PCLO: variants seen among roughly 807,000 people sequenced by gnomAD.
PCLO encodes the protein piccolo presynaptic cytomatrix protein.
PCLO carries 82 observed loss-of-function variants against 427.5 expected under a neutral mutation model. The ratio of observed to expected loss-of-function variants is 0.19; its 90% CI spans 0.16 to 0.23. The LOEUF (loss-of-function observed/expected upper bound fraction) is 0.23. Ranked by LOEUF, PCLO falls within the 10% of genes least tolerant of loss-of-function variation. PCLO has a pLI of 1.00. For missense variants in PCLO, 6,239 were observed against 6,115.9 expected (o/e 1.02, Z -0.67); for synonymous variants, 2,357 against 2,155.4 (o/e 1.09, Z -2.59).
At chr7:82,800,270 A>G (rs2074401) in intron 22 of PCLO, among the ~76,000 whole-genome samples, 56,462 of 152,096 alleles carry the variant, frequency 0.37, 12,931 homozygotes, top group East Asian at 0.69. Flanking sequence ...GTTTCTGAAG[A>G]TAGAGAAATT....
At chr7:83,065,314 T>A (rs1406073467) in intron 3 of PCLO, among the ~76,000 whole-genome samples, 1 of 151,966 alleles carries the variant, frequency 6.6e-6, no homozygotes, top group African/African-American at 2.4e-5. Flanking sequence ...CCACTTTGTA[T>A]GGCTTTTTTC....
At chr7:82,823,129 C>A (rs1211224878) in intron 19 of PCLO, among the ~76,000 whole-genome samples, 1 of 151,966 alleles carries the variant, frequency 6.6e-6, no homozygotes, top group Non-Finnish European at 1.5e-5. Flanking sequence ...GTATGGATCA[C>A]GTATTTCCTA....
In PCLO at chr7:82,763,181, T is replaced by G. The variant is rs539182389; in HGVS notation, c.15008-1688A>C. On this transcript the variant is annotated intron_variant, in intron 22 of 24. Transcript: ENST00000333891. ...CATCGAGGATACCCTTAAGTGAAAC[T>G]GGCATTTTTTTCCCTGTAAGAGCAT... Among the ~76,000 whole-genome samples, 17 of 152,246 alleles carry G rather than the reference T, an allele frequency of 1.1e-4. 1 individual carries two copies. The highest frequency in any genetic ancestry group is 3.9e-4 in the African/African-American group (16 of 41,554).
At chr7:82,815,180 T>C (rs1456347816) in intron 20 of PCLO, among the ~76,000 whole-genome samples, 3 of 152,070 alleles carry the variant, frequency 2.0e-5, no homozygotes, top group South Asian at 2.1e-4. Flanking sequence ...AAATCTTGTC[T>C]ATTTTTGGTT....
intron 18 of PCLO, among the ~76,000 whole-genome samples, chr7:82,824,627 T>C (rs915272966): frequency 2.0e-5 from 3 of 149,476 alleles, no homozygotes; most frequent in African/African-American, 7.4e-5. Flanking sequence ...AATGTTTGCT[T>C]GAACTGAACT....
chr7:82,983,912 G>T (rs1449580242), intron 3 of PCLO, among the ~76,000 whole-genome samples: 2 of 151,902 alleles, frequency 1.3e-5, no homozygotes, highest in African/African-American at 4.8e-5. Flanking sequence ...CTCAAAACAT[G>T]AATATATTCT....
At chr7:83,093,219 G>A (rs1562959966) in intron 3 of PCLO, among the ~76,000 whole-genome samples, 2 of 151,154 alleles carry the variant, frequency 1.3e-5, no homozygotes, top group Non-Finnish European at 2.9e-5. Context: ...AGAGCAAAAT[G>A]TTTCCATATT....
chr7:82,853,929 C>A (rs974617984), intron 10 of PCLO, among the ~76,000 whole-genome samples: 5 of 152,190 alleles, frequency 3.3e-5, no homozygotes, highest in African/African-American at 9.6e-5. Flanking sequence ...TGCTTGTTTA[C>A]AACTTGTAAA....
intron 15 of PCLO, among the ~76,000 whole-genome samples, chr7:82,837,055 TAA>T (rs1015200809): frequency 1.3e-5 from 2 of 152,106 alleles, no homozygotes; most frequent in African/African-American, 4.8e-5. Context: ...AGGAAAATAT[TAA>T]GAGGCAACCA....
rs1402801778 is a variant in PCLO, at chr7:83,162,390, T to C, written c.203A>G (p.Lys68Arg). 1 of 1,599,704 alleles carries C rather than the reference T, an allele frequency of 6.3e-7. No homozygotes were observed. The highest frequency in any genetic ancestry group is 8.5e-7 in the Non-Finnish European group (1 of 1,173,080). The change falls in exon 1 of 25, where the codon AAG becomes AGG. Residue 68 changes from lysine to arginine, a missense_variant. By Grantham distance (26) the Lys-to-Arg change is conservative. Around this residue, in one of 5 missense-constraint regions of PCLO, gnomAD observed 4,677 missense variants for 4,468.4 expected, o/e 1.05. Transcript: ENST00000333891. ...CGCAGCGGCCGGGGGGACGCTTCCC[T>C]TGGGCAGCCCCTGCGCCCTTGACAT... ...AVMSRAQGLP[K>R]GSVPPAAAES...
intron 3 of PCLO, among the ~76,000 whole-genome samples, chr7:83,071,691 A>G (rs1041909700): frequency 2.6e-5 from 4 of 151,840 alleles, no homozygotes; most frequent in African/African-American, 9.7e-5. Context: ...TACTAATGAA[A>G]AGAAGCTTTC....
chr7:82,947,464 T>C (rs1795230236), intron 6 of PCLO, among the ~76,000 whole-genome samples: 1 of 152,192 alleles, frequency 6.6e-6, no homozygotes, highest in Non-Finnish European at 1.5e-5. Context: ...AAGAAATTAA[T>C]TTATTTACTT....
intron 3 of PCLO, among the ~76,000 whole-genome samples, chr7:83,069,344 A>G (rs183352031): frequency 7.2e-5 from 11 of 152,256 alleles, no homozygotes; most frequent in Admixed American, 4.6e-4. Context: ...AAATCCACTC[A>G]TAAGTGAACC....
chr7:83,093,084 G>C (rs1015731746), intron 3 of PCLO, among the ~76,000 whole-genome samples: 2 of 151,560 alleles, frequency 1.3e-5, no homozygotes, highest in African/African-American at 4.9e-5. Context: ...TCACTCCCTA[G>C]AAAACGCTAA....
intron 1 of PCLO, among the ~76,000 whole-genome samples, chr7:83,161,950 A>C (rs942013909): frequency 6.6e-6 from 1 of 152,228 alleles, no homozygotes; most frequent in African/African-American, 2.4e-5. Flanking sequence ...CGCAATGGCC[A>C]AGAGGTTTAA....
At position 82,965,963 on chromosome 7, in the gene PCLO, C is replaced by T. The variant is rs748369807; in HGVS notation, c.3825G>A (p.Lys1275=). The T allele has an allele frequency of 1.9e-6, 3 of 1,613,814 alleles. No individual in the cohort carries two copies. Among genetic ancestry groups the T allele is most frequent in the South Asian group, 2.2e-5 (2 of 91,032 alleles). The part of the protein sequence containing the change: ...LKSQVQIAEE[K]LEGRVAPKTV... ...TCTTTGGAGCCACTCTGCCTTCAAG[C>T]TTTTCTTCAGCAATTTGTACTTGAG... Residue 1275 remains lysine (K), a synonymous_variant, in exon 4 of 25, where the codon AAG becomes AAA. Coordinates refer to ENST00000333891, the MANE Select transcript of PCLO (RefSeq NM_033026.6).
At chr7:83,099,226 G>T (rs1371348485) in intron 3 of PCLO, among the ~76,000 whole-genome samples, 1 of 147,946 alleles carries the variant, frequency 6.8e-6, no homozygotes, top group Non-Finnish European at 1.5e-5. Context: ...GTGGGAGGGA[G>T]AGTGGAGGCA....
At chr7:82,914,629 C>A in intron 7 of PCLO, 57 bp downstream of exon 7, 1 of 1,541,164 alleles carries the variant, frequency 6.5e-7, no homozygotes, top group Non-Finnish European at 8.9e-7. Flanking sequence ...ATTAAACATG[C>A]AGAAAAATAA....
intron 13 of PCLO, among the ~76,000 whole-genome samples, chr7:82,844,855 T>C (rs2115802660): frequency 6.6e-6 from 1 of 152,288 alleles, no homozygotes; most frequent in African/African-American, 2.4e-5. Flanking sequence ...TTTTCCTTGT[T>C]TGTTATTGTC....
Sources: allele counts gnomAD v4.1 joint callset (sites outside exome capture counted in the v4.1 genomes callset), GRCh38; gene constraint gnomAD v4.1.1; regional missense constraint gnomAD v4.1.1; transcripts MANE v1.5; gene names NCBI Gene and HGNC (gene_info 2026-07-23, HGNC 2026-07-21).